The following MRTFB variants were observed in gnomAD, a reference collection of about 807,000 sequenced individuals.
The protein encoded by MRTFB is myocardin related transcription factor B.
A neutral mutation model predicts 104.2 loss-of-function variants in MRTFB; 29 were observed. That is an observed-to-expected ratio of 0.28 (90% CI 0.21 to 0.38). MRTFB has a LOEUF of 0.38. Ranked by LOEUF, MRTFB falls within the 10% of genes least tolerant of loss-of-function variation. MRTFB has a pLI of 1.00. For synonymous variants in MRTFB, 535 were observed against 519.5 expected (o/e 1.03, Z -0.41); for missense variants, 1,270 against 1,341.6 (o/e 0.95, Z 0.83).
At chr16:14,233,090 G>A (rs752465027) in intron 8 of MRTFB, among the ~76,000 whole-genome samples, 1 of 152,194 alleles carries the variant, frequency 6.6e-6, no homozygotes, top group Non-Finnish European at 1.5e-5. Flanking sequence ...TAGATTGCTA[G>A]TGAGAATTGA....
chr16:14,060,663 C>T, the MRTFB span, among the ~76,000 whole-genome samples: 1 of 152,052 alleles, frequency 6.6e-6, no homozygotes, highest in Non-Finnish European at 1.5e-5. Context: ...GAGATCTGGG[C>T]CTCATCCAAG....
chr16:14,203,782 C>T (rs1219873049), intron 3 of MRTFB, among the ~76,000 whole-genome samples: 1 of 120,388 alleles, frequency 8.3e-6, no homozygotes, highest in Admixed American at 1.1e-4. Context: ...CCAGCCTGGG[C>T]GACAGAGGAA....
intron 2 of MRTFB, among the ~76,000 whole-genome samples, chr16:14,109,266 T>A (rs1196494785): frequency 6.6e-6 from 1 of 152,210 alleles, no homozygotes; most frequent in African/African-American, 2.4e-5. Flanking sequence ...GGGCTTAGTT[T>A]ACACGCATAA....
At chr16:14,224,922 C>T (rs1343599205) in intron 8 of MRTFB, among the ~76,000 whole-genome samples, 2 of 152,310 alleles carry the variant, frequency 1.3e-5, no homozygotes, top group East Asian at 3.9e-4. Context: ...CGGTGGCTTA[C>T]ACCTGTAATC....
chr16:14,093,243 A>AT (rs59073217), intron 2 of MRTFB, among the ~76,000 whole-genome samples: 3,963 of 145,986 alleles, frequency 0.027, 162 homozygotes, highest in African/African-American at 0.085. Context: ...TGAGAGATGG[A>AT]TTTTTTTTTT....
the MRTFB span, among the ~76,000 whole-genome samples, chr16:14,033,579 C>T: frequency 1.3e-5 from 2 of 151,414 alleles, no homozygotes; most frequent in African/African-American, 2.4e-5. Flanking sequence ...GCTCACACCT[C>T]TAATCCCAGC....
chr16:14,014,101 C>G, the MRTFB span, among the ~76,000 whole-genome samples: 1 of 152,210 alleles, frequency 6.6e-6, no homozygotes, highest in Non-Finnish European at 1.5e-5. Flanking sequence ...CTCCCCTCCT[C>G]TCCCCTAGGG....
intron 3 of MRTFB, among the ~76,000 whole-genome samples, chr16:14,189,411 A>G (rs1023808323): frequency 1.3e-5 from 2 of 152,186 alleles, no homozygotes; most frequent in African/African-American, 4.8e-5. Flanking sequence ...ACATGAATCC[A>G]TGGAAGTTAA....
the MRTFB span, among the ~76,000 whole-genome samples, chr16:13,996,571 G>T: frequency 5.3e-5 from 8 of 152,234 alleles, no homozygotes; most frequent in African/African-American, 1.9e-4. Context: ...ACAAAATACA[G>T]CAGTGAGCAA....
At chr16:14,003,449 G>A in the MRTFB span, among the ~76,000 whole-genome samples, 238 of 152,250 alleles carry the variant, frequency 1.6e-3, 1 homozygote, top group Admixed American at 4.1e-3. Context: ...GCCGTGGTTT[G>A]GAAATCAGAG....
chr16:14,025,885 A>C, the MRTFB span, among the ~76,000 whole-genome samples: 4 of 152,226 alleles, frequency 2.6e-5, no homozygotes, highest in Non-Finnish European at 2.9e-5. Flanking sequence ...ACAATCACTC[A>C]GGGAAAAAAA....
chr16:14,049,497 G>A, the MRTFB span, among the ~76,000 whole-genome samples: 3 of 152,214 alleles, frequency 2.0e-5, no homozygotes, highest in African/African-American at 4.8e-5. Context: ...CTGAGGAACT[G>A]TTCCAGATTA....
At chr16:14,104,961 G>C (rs1408331106) in intron 2 of MRTFB, among the ~76,000 whole-genome samples, 1 of 152,132 alleles carries the variant, frequency 6.6e-6, no homozygotes, top group African/African-American at 2.4e-5. Flanking sequence ...TTAGAACTTA[G>C]GGCTGTCAGG....
At chr16:14,145,411 T>TA (rs2038260663) in intron 3 of MRTFB, among the ~76,000 whole-genome samples, 1 of 152,222 alleles carries the variant, frequency 6.6e-6, no homozygotes, top group Non-Finnish European at 1.5e-5. Context: ...TAATAGTTTA[T>TA]AAATACACTT....
At chr16:14,004,584 C>G in the MRTFB span, among the ~76,000 whole-genome samples, 22 of 152,260 alleles carry the variant, frequency 1.4e-4, no homozygotes, top group Middle Eastern at 0.017. Context: ...GGGGCTCTGT[C>G]TCCCTGCTCC....
intron 3 of MRTFB, chr16:14,152,082 T>C (rs2142794761): frequency 6.6e-6 from 1 of 152,306 alleles, no homozygotes; most frequent in Admixed American, 6.5e-5. Flanking sequence ...ATAAGTACTA[T>C]ACAGAAGATT....
chr16:14,238,260 G>A (rs568776048), intron 9 of MRTFB, among the ~76,000 whole-genome samples: 1 of 152,312 alleles, frequency 6.6e-6, no homozygotes, highest in East Asian at 1.9e-4. Flanking sequence ...CAAAACATCA[G>A]TAGAGACACT....
At chr16:14,070,246 C>T (rs2033608413), upstream of MRTFB, among the ~76,000 whole-genome samples, 1 of 152,220 alleles carries the variant, frequency 6.6e-6, no homozygotes, top group South Asian at 2.1e-4. Context: ...GACTCAGACC[C>T]AGGTTCAAAT....
chr16:14,095,326 G>C (rs1011688403), intron 2 of MRTFB, among the ~76,000 whole-genome samples: 3 of 152,186 alleles, frequency 2.0e-5, no homozygotes, highest in Non-Finnish European at 4.4e-5. Flanking sequence ...AGACTCCCTT[G>C]TAGAGGATTC....
Sources: allele counts gnomAD v4.1 joint callset (sites outside exome capture counted in the v4.1 genomes callset), GRCh38; gene constraint gnomAD v4.1.1; transcripts MANE v1.5; gene names NCBI Gene and HGNC (gene_info 2026-07-23, HGNC 2026-07-21).